NFYC: variants seen among roughly 807,000 people sequenced by gnomAD.
The protein encoded by NFYC is nuclear transcription factor Y subunit gamma.
In NFYC, 25 loss-of-function variants were observed where a neutral mutation model predicts 53.1. That is an observed-to-expected ratio of 0.47 (90% confidence interval 0.34 to 0.66). The LOEUF (loss-of-function observed/expected upper bound fraction) is 0.66, where lower values mean the gene tolerates loss of function less well. Ranked by LOEUF, NFYC falls within the 30% of genes least tolerant of loss-of-function variation. NFYC has a pLI of 0.01. For missense variants in NFYC, 260 were observed against 422.7 expected (o/e 0.62, Z 3.38); for synonymous variants, 145 against 152.6 (o/e 0.95, Z 0.37).
chr1:40,699,120 C>T (rs190035235), intron 1 of NFYC, among the ~76,000 whole-genome samples: 54 of 151,992 alleles, frequency 3.6e-4, no homozygotes, highest in African/African-American at 1.1e-3. Context: ...GCCGAGATCG[C>T]GCCTCTATTG....
chr1:40,760,198 C>T (rs1376630877), intron 6 of NFYC, among the ~76,000 whole-genome samples: 6 of 152,152 alleles, frequency 3.9e-5, no homozygotes, highest in Admixed American at 2.0e-4. Flanking sequence ...TTTATGCCAT[C>T]CTCCCACCTT....
chr1:40,720,126 A>G (rs1644276997), intron 1 of NFYC, among the ~76,000 whole-genome samples: 1 of 152,176 alleles, frequency 6.6e-6, no homozygotes, highest in South Asian at 2.1e-4. Flanking sequence ...GATTTGTCTC[A>G]TTTCATGTCG....
chr1:40,733,018 C>CG (rs1477582499), intron 1 of NFYC, among the ~76,000 whole-genome samples: 6 of 82,492 alleles, frequency 7.3e-5, no homozygotes, highest in Admixed American at 1.6e-4. Context: ...GCCCCCCCCC[C>CG]CTTTTTTTTT....
chr1:40,733,037 A>G (rs1329986941), intron 1 of NFYC, among the ~76,000 whole-genome samples: 1 of 122,354 alleles, frequency 8.2e-6, no homozygotes, highest in African/African-American at 3.2e-5. Context: ...TTTTTCCTGA[A>G]AGGCCATACC....
intron 1 of NFYC, 182 bp downstream of exon 1, chr1:40,692,049 C>G (rs1405770325): frequency 1.5e-5 from 3 of 204,158 alleles, no homozygotes; most frequent in Non-Finnish European, 3.2e-5. Context: ...GCCGCCGCCG[C>G]GCTCGTGGGG....
At chr1:40,741,585 T>C (rs1645343670) in intron 2 of NFYC, among the ~76,000 whole-genome samples, 1 of 152,072 alleles carries the variant, frequency 6.6e-6, no homozygotes, top group South Asian at 2.1e-4. Flanking sequence ...ATGTCTTTCC[T>C]TTTTTATCTT....
rs768227516 is a variant in NFYC at position 40,758,195 on chromosome 1, T to A, written c.462T>A (p.Ala154=). 81 of 1,612,836 alleles carry A rather than the reference T, an allele frequency of 5.0e-5. No homozygotes were observed. The highest frequency in any genetic ancestry group is 6.9e-5 in the Non-Finnish European group (81 of 1,180,034). ...YYFTLAQQPT[A]VQVQGQQQGQ... The stretch of plus-strand genomic sequence containing the variant: ...TCACGCTGGCTCAGCAACCCACCGC[T>A]GTCCAAGTCCAGGGCCAGCAGCAAG... The change falls in exon 6 of 10, where the codon GCT becomes GCA. Residue 154 remains alanine, a synonymous_variant. Coordinates refer to ENST00000447388, the MANE Select transcript of NFYC (RefSeq NM_014223.5).
chr1:40,725,928 AT>A (rs1644495577), intron 1 of NFYC, among the ~76,000 whole-genome samples: 1 of 152,252 alleles, frequency 6.6e-6, no homozygotes, highest in African/African-American at 2.4e-5. Flanking sequence ...TGTCTAAAAA[AT>A]GTGCTTATTT....
chr1:40,763,058 C>T lies in NFYC; in HGVS notation c.720+12C>T. The T allele has an allele frequency of 1.3e-6, 2 of 1,570,724 alleles. No homozygotes were observed. Among genetic ancestry groups the T allele is most frequent in the Non-Finnish European group, 1.7e-6 (2 of 1,156,828 alleles). ...TCCAGCAGATCCCGGTGAGTCCTGC[C>T]CTGAGGTCTGTCTTTACAACTTTAT... On this transcript the variant is annotated intron_variant, in intron 7 of 9. Transcript: ENST00000447388.
chr1:40,770,030 A>T lies in NFYC; in HGVS notation c.888+615A>T, dbSNP rs1647008052. 6.6e-6 allele frequency among the ~76,000 whole-genome samples: 1 copy of T among 152,220 alleles called. No individual in the cohort carries two copies. The highest frequency in any genetic ancestry group is 2.1e-4 in the South Asian group (1 of 4,834). On this transcript the variant is annotated intron_variant, in intron 9 of 9. Transcript: ENST00000447388. The surrounding 1 kb of genome is among the most constrained non-coding windows in gnomAD (Gnocchi z 5.3). ...TCAGGACCCACCTCTGGCTTCTGCC[A>T]GCACCACATGCTAGGCTTACATGCC...
At chr1:40,762,860 G>A (rs200810003) in intron 6 of NFYC, 28 bp from the exon 7 acceptor site, 267 of 1,535,422 alleles carry the variant, frequency 1.7e-4, no homozygotes, top group Non-Finnish European at 2.1e-4. Flanking sequence ...CTGAACTCAC[G>A]CAGCATTCTC....
At position 40,764,373 on chromosome 1, in the gene NFYC, G is replaced by A. The variant is rs376202898; in HGVS notation, c.720+1327G>A. On this transcript the variant is annotated intron_variant, in intron 7 of 9. Coordinates refer to ENST00000447388, the MANE Select transcript of NFYC (RefSeq NM_014223.5). ...GGCCAAGAGAAAGCTTAGGAAAGTG[G>A]AGTGTGTATGTCTCTTTCTCTACCT... is the stretch of plus-strand genomic sequence containing the variant. Among the ~76,000 whole-genome samples, 16 of 152,350 alleles carry A rather than the reference G, an allele frequency of 1.1e-4. No individual in the cohort carries two copies. The South Asian group carries it at 3.3e-3, about 32-fold the overall frequency.
intron 6 of NFYC, among the ~76,000 whole-genome samples, chr1:40,759,576 T>TGC (rs57539124): frequency 6.6e-6 from 1 of 150,706 alleles, no homozygotes; most frequent in Non-Finnish European, 1.5e-5. Context: ...TGTGTGTGTG[T>TGC]ATGTGTGTGT....
intron 1 of NFYC, among the ~76,000 whole-genome samples, chr1:40,733,605 G>T (rs1037515266): frequency 6.6e-6 from 1 of 151,382 alleles, no homozygotes; most frequent in East Asian, 2.0e-4. Context: ...GTCTCCCTCT[G>T]TTGCCCAGGC....
chr1:40,714,830 C>G (rs1025990594), intron 1 of NFYC, among the ~76,000 whole-genome samples: 3 of 152,170 alleles, frequency 2.0e-5, no homozygotes, highest in African/African-American at 7.2e-5. Context: ...CCTGTAATCC[C>G]AGCACTTTGG....
intron 7 of NFYC, 167 bp downstream of exon 7, chr1:40,763,213 T>G: frequency 6.1e-6 from 3 of 493,120 alleles, no homozygotes; most frequent in Non-Finnish European, 1.1e-5. Flanking sequence ...TATACCTTGA[T>G]ATATATATGT....
intron 2 of NFYC, among the ~76,000 whole-genome samples, chr1:40,742,090 T>C (rs917420892): frequency 6.6e-6 from 1 of 151,964 alleles, no homozygotes; most frequent in African/African-American, 2.4e-5. Context: ...AAAAATCTTA[T>C]GTAGAGATGG....
chr1:40,724,143 G>A (rs1047993293), intron 1 of NFYC, among the ~76,000 whole-genome samples: 55 of 152,198 alleles, frequency 3.6e-4, no homozygotes, highest in African/African-American at 1.3e-3. Context: ...GCCGAGGTGG[G>A]CAGATCACTT....
chr1:40,741,401 TTAAC>T (rs1645333839), intron 2 of NFYC, among the ~76,000 whole-genome samples: 1 of 152,218 alleles, frequency 6.6e-6, no homozygotes, highest in African/African-American at 2.4e-5. Flanking sequence ...TGGGCGAGGC[TTAAC>T]TATGATGTTT....
Sources: gnomAD v4.1 joint callset for allele counts (sites outside exome capture counted in the v4.1 genomes callset) on GRCh38, gnomAD v4.1.1 for gene constraint, Gnocchi (gnomAD v3.1) non-coding constraint, MANE v1.5 for transcripts, NCBI Gene and HGNC (gene_info 2026-07-23, HGNC 2026-07-21) for gene names.